KIAA1328: variants seen among roughly 807,000 people sequenced by gnomAD.
KIAA1328 encodes the protein protein hinderin.
Under a neutral mutation model 68.1 loss-of-function variants are expected in KIAA1328, and 52 were observed. The observed-to-expected ratio is 0.76, with a 90% CI of 0.61 to 0.96. The LOEUF (loss-of-function observed/expected upper bound fraction) is 0.96. Ranked by LOEUF, KIAA1328 falls within the 40% of genes least tolerant of loss-of-function variation. The pLI, the probability that KIAA1328 is intolerant of heterozygous loss-of-function variation, is 0.00. For synonymous variants in KIAA1328, 232 were observed against 239.4 expected (o/e 0.97, Z 0.28); for missense variants, 641 against 677.6 (o/e 0.95, Z 0.60).
intron 7 of KIAA1328, among the ~76,000 whole-genome samples, chr18:37,109,518 GA>G (rs1410969802): frequency 6.6e-6 from 1 of 152,040 alleles, no homozygotes; most frequent in Non-Finnish European, 1.5e-5. Context: ...GCAATTCATA[GA>G]TTTTTTTCAG....
At chr18:36,841,925 G>T (rs974479074) in intron 3 of KIAA1328, among the ~76,000 whole-genome samples, 2 of 145,260 alleles carry the variant, frequency 1.4e-5, no homozygotes, top group Non-Finnish European at 1.5e-5. Flanking sequence ...GAGATTTCTT[G>T]TTTTTTTTTC....
intron 6 of KIAA1328, among the ~76,000 whole-genome samples, chr18:36,981,656 G>A (rs1297396172): frequency 6.6e-6 from 1 of 152,062 alleles, no homozygotes; most frequent in African/African-American, 2.4e-5. Flanking sequence ...GTGTGAACAT[G>A]GCTCCGTGCA....
intron 5 of KIAA1328, among the ~76,000 whole-genome samples, chr18:36,951,524 A>G (rs932249105): frequency 1.3e-5 from 2 of 152,154 alleles, no homozygotes; most frequent in Non-Finnish European, 2.9e-5. Flanking sequence ...ACCCACTCTC[A>G]TGTCTTCAGC....
intron 6 of KIAA1328, among the ~76,000 whole-genome samples, chr18:37,009,976 G>A (rs1408496282): frequency 1.3e-5 from 2 of 152,128 alleles, no homozygotes; most frequent in Admixed American, 1.3e-4. Context: ...AGCTGAAATA[G>A]AAATTGTTAT....
At chr18:37,006,951 A>G (rs1275274702) in intron 6 of KIAA1328, among the ~76,000 whole-genome samples, 1 of 152,222 alleles carries the variant, frequency 6.6e-6, no homozygotes, top group African/African-American at 2.4e-5. Context: ...TGCCTGAGTA[A>G]TAACAAAAGT....
chr18:36,866,391 T>C (rs1207992539), intron 4 of KIAA1328, among the ~76,000 whole-genome samples: 1 of 151,682 alleles, frequency 6.6e-6, no homozygotes, highest in Non-Finnish European at 1.5e-5. Flanking sequence ...GCTCTCTTTA[T>C]CCCCCTCAGA....
chr18:37,194,734 C>T (rs1258877882), intron 9 of KIAA1328, among the ~76,000 whole-genome samples: 1 of 152,158 alleles, frequency 6.6e-6, no homozygotes, highest in Non-Finnish European at 1.5e-5. Flanking sequence ...GATCTCGGCT[C>T]ACTGCAACCT....
intron 7 of KIAA1328, among the ~76,000 whole-genome samples, chr18:37,072,986 C>T (rs1263708195): frequency 6.6e-6 from 1 of 152,088 alleles, no homozygotes; most frequent in Non-Finnish European, 1.5e-5. Context: ...AACTGGACCT[C>T]TTCCTTACAC....
At chr18:36,861,050 T>G (rs1009653997) in intron 4 of KIAA1328, among the ~76,000 whole-genome samples, 5 of 152,182 alleles carry the variant, frequency 3.3e-5, no homozygotes, top group African/African-American at 1.2e-4. Flanking sequence ...TTATTCAGAT[T>G]TGACTAGTGT....
At chr18:37,028,479 A>G (rs2629955) in intron 6 of KIAA1328, among the ~76,000 whole-genome samples, 111,445 of 151,758 alleles carry the variant, frequency 0.73, 43,993 homozygotes, top group South Asian at 0.89. Context: ...GTGAAAAGAG[A>G]TAGTTTGACT....
chr18:37,185,739 A>G (rs1225386204), intron 9 of KIAA1328, among the ~76,000 whole-genome samples: 3 of 151,410 alleles, frequency 2.0e-5, no homozygotes, highest in Admixed American at 2.0e-4. Flanking sequence ...ACACACACAC[A>G]CGTACACACA....
At chr18:36,907,739 G>A (rs1321512854) in intron 5 of KIAA1328, among the ~76,000 whole-genome samples, 1 of 152,094 alleles carries the variant, frequency 6.6e-6, no homozygotes, top group African/African-American at 2.4e-5. Flanking sequence ...TAGTTTTGTA[G>A]CATCATAGTG....
chr18:36,835,907 A>G (rs1257265153), intron 3 of KIAA1328, among the ~76,000 whole-genome samples: 2 of 152,180 alleles, frequency 1.3e-5, no homozygotes, highest in Non-Finnish European at 2.9e-5. Flanking sequence ...TAGGATGTCT[A>G]CACAAAACTT....
In KIAA1328 at chr18:36,964,747, G is replaced by A. The variant is rs557832773; in HGVS notation, c.576+5312G>A. ...TTAGGTTGTAGTGTTTATTTGATGT[G>A]TGTATATTACCCCATTATCTTATCT... On this transcript the variant is annotated intron_variant, in intron 6 of 9. Coordinates refer to ENST00000280020, the MANE Select transcript of KIAA1328 (RefSeq NM_020776.3). 2.2e-4 allele frequency among the ~76,000 whole-genome samples: 33 copies of A among 152,178 alleles called. 1 individual carries two copies. The highest frequency in any genetic ancestry group is 1.7e-3 in the South Asian group (8 of 4,818).
chr18:37,135,235 C>T (rs760670671), intron 7 of KIAA1328, among the ~76,000 whole-genome samples: 4 of 152,136 alleles, frequency 2.6e-5, no homozygotes, highest in East Asian at 1.9e-4. Context: ...ATTGCTGGGT[C>T]GAACGGTAGT....
In KIAA1328 at chr18:37,067,090, A is replaced by G. The variant is rs200193060; in HGVS notation, c.777A>G (p.Leu259=). Reference sequence around the variant, plus strand: ...CCCTTCATCATCCCAAAGATGATCTAGATAAGATACCATCAGAGACCACAA... The same window carrying G: ...CCCTTCATCATCCCAAAGATGATCTGGATAAGATACCATCAGAGACCACAA... ...PVTLHHPKDD[L]DKIPSETTTC... The change falls in exon 7 of 10, where the codon CTA becomes CTG. Residue 259 remains leucine, a synonymous_variant. Coordinates refer to ENST00000280020, the MANE Select transcript of KIAA1328 (RefSeq NM_020776.3). The G allele has an allele frequency of 9.8e-4, 1,574 of 1,614,030 alleles. 1 individual carries two copies. The highest frequency in any genetic ancestry group is 1.3e-3 in the Non-Finnish European group (1,481 of 1,179,888).
intron 6 of KIAA1328, among the ~76,000 whole-genome samples, chr18:36,980,646 C>G (rs1229206802): frequency 1.3e-5 from 2 of 152,148 alleles, no homozygotes; most frequent in South Asian, 2.1e-4. Context: ...TTAATTCCAG[C>G]TGACATGGTT....
chr18:37,086,716 C>T (rs11081983), intron 7 of KIAA1328, among the ~76,000 whole-genome samples: 20,722 of 152,156 alleles, frequency 0.14, 1,762 homozygotes, highest in Admixed American at 0.18. Flanking sequence ...TAGTTTTCCT[C>T]AGAAAGGATT....
chr18:37,096,188 C>G (rs2057400734), intron 7 of KIAA1328, among the ~76,000 whole-genome samples: 1 of 152,066 alleles, frequency 6.6e-6, no homozygotes, highest in Admixed American at 6.6e-5. Context: ...TAACTCGTCA[C>G]TTAACATTAG....
Sources: allele counts gnomAD v4.1 joint callset (sites outside exome capture counted in the v4.1 genomes callset), GRCh38; gene constraint gnomAD v4.1.1; transcripts MANE v1.5; gene names NCBI Gene and HGNC (gene_info 2026-07-23, HGNC 2026-07-21).